The following FNIP1 variants were observed in gnomAD, a reference collection of about 807,000 sequenced individuals.
FNIP1 encodes folliculin-interacting protein 1.
Under a neutral mutation model 124.5 loss-of-function variants are expected in FNIP1, and 40 were observed. That is an observed-to-expected ratio of 0.32 (90% CI 0.25 to 0.42). FNIP1 has a LOEUF of 0.42. FNIP1 is among the 10% of genes least tolerant of loss of function. The probability of loss-of-function intolerance (pLI) is 1.00; values close to 1 mark genes in which losing one functional copy is unlikely to be tolerated. For missense variants in FNIP1, 1,176 were observed against 1,403.7 expected, an observed-to-expected ratio of 0.84 and a Z score of 2.59; for synonymous variants, 472 against 470.6, an observed-to-expected ratio of 1.00 and a Z score of -0.04.
At chr5:131,735,233 C>G (rs914249918) in intron 2 of FNIP1, among the ~76,000 whole-genome samples, 2 of 152,068 alleles carry the variant, frequency 1.3e-5, no homozygotes, top group African/African-American at 4.8e-5. Context: ...ACTGCATGTT[C>G]TCACTCATAG....
At chr5:131,685,780 A>T (rs1313907800) in intron 11 of FNIP1, among the ~76,000 whole-genome samples, 3 of 144,516 alleles carry the variant, frequency 2.1e-5, no homozygotes, top group African/African-American at 7.8e-5. Context: ...GTAAGCTTTC[A>T]AGCAATCCTG....
chr5:131,764,021 G>A (rs1276216500), intron 1 of FNIP1, among the ~76,000 whole-genome samples: 1 of 152,088 alleles, frequency 6.6e-6, no homozygotes, highest in Non-Finnish European at 1.5e-5. Flanking sequence ...TCCCTTTGAT[G>A]CTGTCCTTGC....
rs752635350 is a variant in FNIP1, at chr5:131,672,000, G to A, written c.2444C>T (p.Ser815Phe). 9.3e-6 allele frequency: 15 copies of A among 1,614,056 alleles called. No homozygotes were observed. In the East Asian group the frequency reaches 3.1e-4, roughly 34 times the overall value. ...SGESDTQNMV[S>F]EEPCELPCWN... ...ACAGGGAAGTTCACAGGGCTCTTCAGAAACCATGTTCTGTGTATCAGACTC... is the reference window on the plus strand; with the variant it reads ...ACAGGGAAGTTCACAGGGCTCTTCAAAAACCATGTTCTGTGTATCAGACTC... The change falls in exon 14 of 18, where the codon TCT becomes TTT. Residue 815 changes from serine to phenylalanine, a missense_variant. Ser to Phe is a radical substitution (Grantham distance 155). This residue lies in a region of FNIP1 where 1,109 missense variants were observed against 1,288.5 expected (regional missense o/e 0.86). Transcript: ENST00000510461.
At chr5:131,649,896 G>A (rs1047850489) in intron 16 of FNIP1, among the ~76,000 whole-genome samples, 1 of 152,150 alleles carries the variant, frequency 6.6e-6, no homozygotes, top group Non-Finnish European at 1.5e-5. Context: ...CTGTTGAATG[G>A]TCTTGGCACT....
chr5:131,679,015 A>T lies in FNIP1; in HGVS notation c.1349+14T>A, dbSNP rs1160858072. ...TACAATCTAGATATCTAGTTATAAT[A>T]AATAAATTCATACTGATTTTTGGAA... is the stretch of plus-strand genomic sequence containing the variant. On this transcript the variant is annotated intron_variant, in intron 12 of 17. Coordinates refer to ENST00000510461, the MANE Select transcript of FNIP1 (RefSeq NM_133372.3). 6.4e-7 allele frequency: 1 copy of T among 1,573,278 alleles called. No homozygotes were observed.
At chr5:131,785,629 C>T (rs986607046) in intron 1 of FNIP1, among the ~76,000 whole-genome samples, 1 of 152,086 alleles carries the variant, frequency 6.6e-6, no homozygotes, top group African/African-American at 2.4e-5. Flanking sequence ...ATGATTGGAA[C>T]TGATCGTGTC....
At chr5:131,751,009 C>A (rs1014222733) in intron 1 of FNIP1, among the ~76,000 whole-genome samples, 1 of 152,098 alleles carries the variant, frequency 6.6e-6, no homozygotes. Context: ...GCAGTGATGC[C>A]ATTTCATTTA....
chr5:131,684,459 G>A (rs1768201221), intron 11 of FNIP1, among the ~76,000 whole-genome samples: 1 of 151,986 alleles, frequency 6.6e-6, no homozygotes, highest in African/African-American at 2.4e-5. Flanking sequence ...AATATTATAA[G>A]AATATTTAAT....
chr5:131,734,718 T>C (rs1770227634), intron 2 of FNIP1, among the ~76,000 whole-genome samples: 1 of 152,142 alleles, frequency 6.6e-6, no homozygotes, highest in Admixed American at 6.5e-5. Context: ...AAAATGCTCA[T>C]CATCACTGGC....
intron 1 of FNIP1, among the ~76,000 whole-genome samples, chr5:131,745,146 CAAAA>C (rs1380335665): frequency 1.4e-5 from 2 of 145,080 alleles, no homozygotes; most frequent in African/African-American, 5.1e-5. Context: ...ACTTACAAGA[CAAAA>C]AACAAGCCAA....
At position 131,734,320 on chromosome 5, in the gene FNIP1, T is replaced by C. The variant is rs185683959; in HGVS notation, c.220-3282A>G. Among the ~76,000 whole-genome samples, 502 of 152,286 alleles carry C rather than the reference T, an allele frequency of 3.3e-3. 2 individuals are homozygous for C. The highest frequency in any genetic ancestry group is 0.012 in the African/African-American group (481 of 41,540). ...TTTTGAAGGGTTTTTTGTGTCTCTATCTCCTTCAGTTCTGCTCTGATCTTA... is the reference window on the plus strand; with the variant it reads ...TTTTGAAGGGTTTTTTGTGTCTCTACCTCCTTCAGTTCTGCTCTGATCTTA... On this transcript the variant is annotated intron_variant, in intron 2 of 17. Transcript: ENST00000510461.
intron 16 of FNIP1, among the ~76,000 whole-genome samples, chr5:131,647,534 C>T (rs1170360021): frequency 6.6e-6 from 1 of 151,642 alleles, no homozygotes; most frequent in South Asian, 2.1e-4. Flanking sequence ...GAGTGCAAAG[C>T]GCGACCACAG....
At chr5:131,687,418 T>G (rs547987617) in intron 11 of FNIP1, among the ~76,000 whole-genome samples, 1 of 152,334 alleles carries the variant, frequency 6.6e-6, no homozygotes, top group East Asian at 1.9e-4. Flanking sequence ...ATTTCAGTTT[T>G]TAACTCAACA....
Position 131,679,141 on chromosome 5 carries a change from T to C in FNIP1, c.1237A>G (p.Ile413Val). 1 of 1,599,164 alleles carries C rather than the reference T, an allele frequency of 6.3e-7. No individual in the cohort carries two copies. Among genetic ancestry groups the C allele is most frequent in the Non-Finnish European group, 8.6e-7 (1 of 1,166,980 alleles). The change falls in exon 12 of 18, where the codon ATT becomes GTT. Residue 413 changes from isoleucine (I) to valine (V), a missense_variant. Physicochemically the swap from Ile to Val is conservative, Grantham distance 29 (BLOSUM62 3). Around this residue, in one of 2 missense-constraint regions of FNIP1, gnomAD observed 1,109 missense variants for 1,288.5 expected, o/e 0.86. Coordinates refer to ENST00000510461, the MANE Select transcript of FNIP1 (RefSeq NM_133372.3). Reference sequence around the variant, plus strand: ...ATTGTAAGCCAGACAGGTTCTCCAATTCGTGGCATCGTGTAAAGATTACAA... The same window carrying C: ...ATTGTAAGCCAGACAGGTTCTCCAACTCGTGGCATCGTGTAAAGATTACAA... Reference protein sequence around the residue: ...TICNLYTMPRIGEPVWLTMMS... With the variant: ...TICNLYTMPRVGEPVWLTMMS...
intron 2 of FNIP1, among the ~76,000 whole-genome samples, chr5:131,739,180 T>G (rs1378671364): frequency 6.6e-6 from 1 of 152,160 alleles, no homozygotes; most frequent in Non-Finnish European, 1.5e-5. Flanking sequence ...TGTAATGTTA[T>G]AGTTTTATAT....
intron 15 of FNIP1, among the ~76,000 whole-genome samples, chr5:131,664,634 C>CA (rs33956526): frequency 0.099 from 7,687 of 77,448 alleles, 1,143 homozygotes; most frequent in African/African-American, 0.3. Flanking sequence ...GACCCTGTCT[C>CA]AAAAAAAAAA....
In FNIP1 at chr5:131,785,038, G is replaced by C. The variant is rs187522169; in HGVS notation, c.92+11792C>G. Among the ~76,000 whole-genome samples the C allele has an allele frequency of 3.3e-3, 150 of 45,644 alleles. 3 individuals are homozygous for C. The highest frequency in any genetic ancestry group is 0.014 in the African/African-American group (114 of 8,354). 29.9% of individuals were successfully genotyped at this position (45,644 alleles called of 152,430 possible). A position where few individuals can be genotyped will look rare whatever the true frequency, so the allele number is the denominator to read the frequency against. ...TATATGATATATATGACATATATAT[G>C]ATATATATGACTATATATATCATAT... On this transcript the variant is annotated intron_variant, in intron 1 of 17. Coordinates refer to ENST00000510461, the MANE Select transcript of FNIP1 (RefSeq NM_133372.3).
intron 1 of FNIP1, among the ~76,000 whole-genome samples, chr5:131,764,737 A>C (rs929302409): frequency 3.3e-5 from 5 of 152,198 alleles, no homozygotes; most frequent in Non-Finnish European, 7.3e-5. Flanking sequence ...CTACACATGC[A>C]TCAATTATTT....
intron 1 of FNIP1, among the ~76,000 whole-genome samples, chr5:131,788,260 A>C (rs1421455606): frequency 6.6e-6 from 1 of 152,166 alleles, no homozygotes; most frequent in African/African-American, 2.4e-5. Flanking sequence ...AAATCAAGAG[A>C]GAGTAGATTA....
Sources: allele counts gnomAD v4.1 joint callset (sites outside exome capture counted in the v4.1 genomes callset), GRCh38; gene constraint gnomAD v4.1.1; regional missense constraint gnomAD v4.1.1; transcripts MANE v1.5; gene names NCBI Gene and HGNC (gene_info 2026-07-23, HGNC 2026-07-21).